The following DLGAP1 variants were observed in gnomAD, a reference collection of about 807,000 sequenced individuals.
The protein encoded by DLGAP1 is disks large-associated protein 1.
A neutral mutation model predicts 90.8 loss-of-function variants in DLGAP1; 11 were observed. That is an observed-to-expected ratio of 0.12 (90% confidence interval 0.08 to 0.20). DLGAP1 has a LOEUF of 0.20. Ranked by LOEUF, DLGAP1 falls within the 10% of genes least tolerant of loss-of-function variation. The pLI is 1.00. For missense variants in DLGAP1, 1,050 were observed against 1,333.8 expected, an observed-to-expected ratio of 0.79 and a Z score of 3.31; for synonymous variants, 558 against 540.7, an observed-to-expected ratio of 1.03 and a Z score of -0.44.
At chr18:4,242,623 G>A (rs771800002) in intron 1 of DLGAP1, among the ~76,000 whole-genome samples, 8 of 152,168 alleles carry the variant, frequency 5.3e-5, no homozygotes, top group Non-Finnish European at 4.4e-5. Context: ...GGAAGAAAGC[G>A]GGAAGGGCAG....
At chr18:3,817,359 T>C (rs2067158735) in intron 4 of DLGAP1, among the ~76,000 whole-genome samples, 1 of 152,252 alleles carries the variant, frequency 6.6e-6, no homozygotes, top group African/African-American at 2.4e-5. Flanking sequence ...TGAGAAGTAT[T>C]TAACCTGTGT....
rs557577028 is a variant in DLGAP1 at position 4,437,555 on chromosome 18, TGAC to T, written c.-267+17448_-267+17450del. Among the ~76,000 whole-genome samples, 3 of 149,912 alleles carry T rather than the reference TGAC, an allele frequency of 2.0e-5. No homozygotes were observed. In the South Asian group the frequency reaches 6.4e-4, roughly 32 times the overall value. Reference sequence around the variant, plus strand: ...TTACACTGCGTTGTTTAGGGAATGATGACAAGAAAAAAAAGTTTGTCCATGTTC... The same window carrying T: ...TTACACTGCGTTGTTTAGGGAATGATAAGAAAAAAAAGTTTGTCCATGTTC... On this transcript the variant is annotated intron_variant, in intron 1 of 12. Transcript: ENST00000315677.
At chr18:3,691,715 C>T (rs1489516779) in intron 7 of DLGAP1, among the ~76,000 whole-genome samples, 1 of 152,064 alleles carries the variant, frequency 6.6e-6, no homozygotes, top group Non-Finnish European at 1.5e-5. Flanking sequence ...AGCTCAAGAA[C>T]AGCCTGGGCA....
chr18:4,144,311 G>T (rs1029936860), intron 2 of DLGAP1, among the ~76,000 whole-genome samples: 4 of 152,152 alleles, frequency 2.6e-5, no homozygotes, highest in Admixed American at 6.5e-5. Context: ...TTCCCCTCTG[G>T]CTAGGACTAG....
intron 2 of DLGAP1, among the ~76,000 whole-genome samples, chr18:4,043,766 G>C (rs571597689): frequency 3.3e-5 from 5 of 151,990 alleles, no homozygotes. Context: ...TTGGAGCAAC[G>C]GGTATCCTTC....
intron 1 of DLGAP1, among the ~76,000 whole-genome samples, chr18:4,343,306 CAA>C (rs57366946): frequency 6.7e-5 from 7 of 105,182 alleles, no homozygotes; most frequent in Admixed American, 9.7e-5. Context: ...CACTCCTTCT[CAA>C]AAAAAAAAAA....
At chr18:4,158,172 T>C (rs927479396) in intron 1 of DLGAP1, among the ~76,000 whole-genome samples, 1 of 152,198 alleles carries the variant, frequency 6.6e-6, no homozygotes, top group Non-Finnish European at 1.5e-5. Context: ...GTACGATCTA[T>C]GAAATACCTA....
chr18:4,201,615 A>G (rs987181429), intron 1 of DLGAP1, among the ~76,000 whole-genome samples: 1 of 152,152 alleles, frequency 6.6e-6, no homozygotes, highest in African/African-American at 2.4e-5. Flanking sequence ...GCTTTCAAAC[A>G]AATCACCAAG....
chr18:4,132,674 T>C (rs1278405144), intron 2 of DLGAP1, among the ~76,000 whole-genome samples: 1 of 152,192 alleles, frequency 6.6e-6, no homozygotes, highest in Non-Finnish European at 1.5e-5. Context: ...GGTGTCCTGC[T>C]GATTTCTGGC....
intron 2 of DLGAP1, among the ~76,000 whole-genome samples, chr18:4,021,998 A>G (rs2074618584): frequency 6.6e-6 from 1 of 152,142 alleles, no homozygotes; most frequent in Admixed American, 6.5e-5. Flanking sequence ...AGGTATTATC[A>G]CATTTTCTGT....
At chr18:4,151,430 C>T (rs372198302) in intron 1 of DLGAP1, 143 bp from the exon 2 acceptor site, 2 of 152,028 alleles carry the variant, frequency 1.3e-5, no homozygotes, top group African/African-American at 2.4e-5. Context: ...TCTACATGGC[C>T]GTGTTCTTGC....
At chr18:4,051,710 A>G (rs981288081) in intron 2 of DLGAP1, among the ~76,000 whole-genome samples, 22 of 151,750 alleles carry the variant, frequency 1.4e-4, no homozygotes, top group Non-Finnish European at 4.4e-5. Flanking sequence ...CAAGGTCTCA[A>G]CTCATTCTAG....
intron 3 of DLGAP1, among the ~76,000 whole-genome samples, chr18:3,977,434 G>GTGTTTTTTTTTTTTTTTTTTTTT (rs1555718019): frequency 2.7e-4 from 26 of 95,336 alleles, no homozygotes; most frequent in African/African-American, 1.1e-3. Flanking sequence ...TTTATTCTGT[G>GTGTTTTTTTTTTTTTTTTTTTTT]TTTTTTTTTT....
intron 1 of DLGAP1, among the ~76,000 whole-genome samples, chr18:4,436,716 T>C (rs2083408299): frequency 6.6e-6 from 1 of 152,200 alleles, no homozygotes; most frequent in Admixed American, 6.5e-5. Flanking sequence ...TCAAATAGAA[T>C]TGAAGTTAAA....
intron 4 of DLGAP1, among the ~76,000 whole-genome samples, chr18:3,832,067 T>C (rs1376516649): frequency 2.0e-5 from 3 of 152,348 alleles, no homozygotes; most frequent in East Asian, 1.9e-4. Flanking sequence ...GTAAAAACTG[T>C]AATGAGAGAA....
intron 1 of DLGAP1, among the ~76,000 whole-genome samples, chr18:4,259,710 T>A (rs1465018747): frequency 1.3e-5 from 2 of 152,200 alleles, no homozygotes; most frequent in African/African-American, 4.8e-5. Context: ...GCAGCAAGGT[T>A]AATGTGTTTT....
intron 2 of DLGAP1, among the ~76,000 whole-genome samples, chr18:4,103,590 C>T (rs528385845): frequency 4.1e-4 from 63 of 152,188 alleles, no homozygotes; most frequent in Middle Eastern, 3.4e-3. Flanking sequence ...CCCCACTACA[C>T]GTTTTGAATT....
At chr18:4,325,502 A>G (rs1328967874) in intron 1 of DLGAP1, among the ~76,000 whole-genome samples, 1 of 152,202 alleles carries the variant, frequency 6.6e-6, no homozygotes, top group Non-Finnish European at 1.5e-5. Flanking sequence ...ACAACTAAAA[A>G]AAAACTATTT....
intron 9 of DLGAP1, among the ~76,000 whole-genome samples, chr18:3,542,945 A>T (rs2052774059): frequency 1.3e-5 from 2 of 152,220 alleles, no homozygotes; most frequent in South Asian, 2.1e-4. Flanking sequence ...AGAAAGGCAA[A>T]ATCCAGGACA....
Sources: allele counts gnomAD v4.1 joint callset (sites outside exome capture counted in the v4.1 genomes callset), GRCh38; gene constraint gnomAD v4.1.1; transcripts MANE v1.5; gene names NCBI Gene and HGNC (gene_info 2026-07-23, HGNC 2026-07-21).